Variants in RPN2 observed in about 807,000 individuals in gnomAD.
RPN2 encodes dolichyl-diphosphooligosaccharide--protein glycosyltransferase subunit 2.
In RPN2, 29 loss-of-function variants were observed where a neutral mutation model predicts 71.4. The observed-to-expected ratio is 0.41, with a 90% CI of 0.30 to 0.55. The LOEUF (loss-of-function observed/expected upper bound fraction) is 0.55, where lower values mean the gene tolerates loss of function less well. Among genes scored for constraint, RPN2 ranks in the 20% least tolerant of loss-of-function variants. The pLI is 0.35. For synonymous variants in RPN2, 308 were observed against 305.0 expected (o/e 1.01, Z -0.10); for missense variants, 726 against 774.1 (o/e 0.94, Z 0.74).
At chr20:37,231,151 C>T (rs1237709113) in intron 13 of RPN2, among the ~76,000 whole-genome samples, 1 of 152,020 alleles carries the variant, frequency 6.6e-6, no homozygotes, top group African/African-American at 2.4e-5. Context: ...CTTTACAAGC[C>T]TAGCAGGGTG....
chr20:37,191,983 A>G (rs1341024489), intron 2 of RPN2, among the ~76,000 whole-genome samples: 1 of 148,162 alleles, frequency 6.7e-6, no homozygotes, highest in East Asian at 2.0e-4. Flanking sequence ...AGTCCTAGCT[A>G]TTTAGGTGGC....
intron 1 of RPN2, among the ~76,000 whole-genome samples, chr20:37,183,805 G>A (rs74991886): frequency 0.012 from 1,794 of 152,326 alleles, 35 homozygotes; most frequent in African/African-American, 0.041. Context: ...CTTCTTAGAG[G>A]ACAGAGAAGA....
At chr20:37,179,407 G>T (rs1444252253) in intron 1 of RPN2, 38 bp downstream of exon 1, 5 of 1,487,452 alleles carry the variant, frequency 3.4e-6, no homozygotes, top group Non-Finnish European at 4.5e-6. Flanking sequence ...GAGGGCTGTC[G>T]CCCGCGGGAG....
chr20:37,213,720 C>G (rs1294385047), intron 8 of RPN2, 40 bp from the exon 9 acceptor site: 2 of 1,465,364 alleles, frequency 1.4e-6, no homozygotes, highest in Non-Finnish European at 1.9e-6. Flanking sequence ...CATGACTTTC[C>G]TACCTGAGTT....
chr20:37,205,649 T>G (rs962790019), intron 6 of RPN2, among the ~76,000 whole-genome samples: 1 of 152,198 alleles, frequency 6.6e-6, no homozygotes, highest in African/African-American at 2.4e-5. Context: ...TTATCTGTCT[T>G]GGATAATTGG....
chr20:37,184,242 A>C lies in RPN2; in HGVS notation c.76A>C (p.Thr26Pro). The change falls in exon 2 of 17, where the codon ACT (threonine) becomes CCT (proline). Residue 26 changes from threonine to proline, a missense_variant. Transcript: ENST00000237530. ...IIASTWALTPTHYLTKHDVER... is the reference protein window; with the variant it reads ...IIASTWALTPPHYLTKHDVER... ...AGCCAGCACCTGGGCTCTGACGCCC[A>C]CTCACTACCTCACCAAGCATGACGT... The C allele has an allele frequency of 6.2e-7, 1 of 1,614,034 alleles. No individual in the cohort carries two copies. The highest frequency in any genetic ancestry group is 8.5e-7 in the Non-Finnish European group (1 of 1,180,006).
intron 9 of RPN2, among the ~76,000 whole-genome samples, chr20:37,217,567 A>G (rs895777257): frequency 1.3e-5 from 2 of 152,150 alleles, no homozygotes; most frequent in African/African-American, 4.8e-5. Context: ...CTGGGATTAC[A>G]GGCGTGAGCC....
chr20:37,232,626 C>G (rs1390158845), intron 14 of RPN2, among the ~76,000 whole-genome samples: 1 of 151,882 alleles, frequency 6.6e-6, no homozygotes, highest in Non-Finnish European at 1.5e-5. Flanking sequence ...CTAACAGCCA[C>G]TAAGAATGAC....
intron 9 of RPN2, among the ~76,000 whole-genome samples, chr20:37,220,432 T>C (rs1048883292): frequency 1.3e-5 from 2 of 152,124 alleles, no homozygotes; most frequent in Non-Finnish European, 2.9e-5. Context: ...AGCATCGGTT[T>C]TGGACGCTCT....
intron 11 of RPN2, 64 bp from the exon 12 acceptor site, chr20:37,228,486 A>G (rs888968190): frequency 1.3e-6 from 2 of 1,503,588 alleles, no homozygotes; most frequent in Non-Finnish European, 1.9e-6. Context: ...CGGTGGATTC[A>G]ATGTTAGGCC....
chr20:37,207,259 C>T lies in RPN2; in HGVS notation c.691-14C>T, dbSNP rs1053673500. On this transcript the variant is annotated splice_polypyrimidine_tract_variant and intron_variant, in intron 6 of 16. Transcript: ENST00000237530. ...CAGAGGAAGAGAAACAGCTGCATTT[C>T]GCATTTCTTTCAGGATCAGGTCATC... is the stretch of plus-strand genomic sequence containing the variant. The T allele has an allele frequency of 4.9e-5, 79 of 1,609,168 alleles. No individual in the cohort carries two copies. Among genetic ancestry groups the T allele is most frequent in the Non-Finnish European group, 6.0e-5 (71 of 1,175,600 alleles).
intron 2 of RPN2, among the ~76,000 whole-genome samples, chr20:37,194,393 C>A (rs1400654106): frequency 6.6e-6 from 1 of 152,138 alleles, no homozygotes; most frequent in Non-Finnish European, 1.5e-5. Context: ...TCCCAAGTAG[C>A]TGGGACTACA....
chr20:37,204,029 T>C, intron 5 of RPN2, 69 bp downstream of exon 5: 1 of 1,078,274 alleles, frequency 9.3e-7, no homozygotes, highest in Non-Finnish European at 1.4e-6. Flanking sequence ...ATCTTGCAGA[T>C]AGCCATGCAT....
Position 37,228,763 on chromosome 20 carries a change from C to T in RPN2, c.1494+19C>T. The T allele has an allele frequency of 6.2e-7, 1 of 1,612,874 alleles. No individual in the cohort carries two copies. The highest frequency in any genetic ancestry group is 8.5e-7 in the Non-Finnish European group (1 of 1,179,344). ...GAATGTGGTATGTGCCTGAATGTAC[C>T]CCGACCCAGGTGAGAGTGGCTGTGC... On this transcript the variant is annotated intron_variant, in intron 12 of 16. Transcript: ENST00000237530.
intron 6 of RPN2, among the ~76,000 whole-genome samples, chr20:37,206,423 A>G (rs898547719): frequency 1.3e-5 from 2 of 152,176 alleles, no homozygotes; most frequent in Admixed American, 6.5e-5. Flanking sequence ...TTGTAGAAGG[A>G]CTTTGGAGAC....
At chr20:37,220,799 A>G (rs2067935837) in intron 9 of RPN2, among the ~76,000 whole-genome samples, 1 of 152,234 alleles carries the variant, frequency 6.6e-6, no homozygotes, top group African/African-American at 2.4e-5. Flanking sequence ...TAGCATAAAA[A>G]TGCTTTGCTT....
At chr20:37,208,616 C>T (rs2067579032) in intron 7 of RPN2, among the ~76,000 whole-genome samples, 1 of 152,128 alleles carries the variant, frequency 6.6e-6, no homozygotes, top group South Asian at 2.1e-4. Context: ...GATGGGATAT[C>T]TTTTTGCCTC....
chr20:37,238,812 A>G (rs757236038), intron 16 of RPN2: 7 of 543,460 alleles, frequency 1.3e-5, no homozygotes, highest in African/African-American at 5.7e-5. Flanking sequence ...TCCAAAATTC[A>G]TTAAATGACG....
intron 4 of RPN2, 38 bp downstream of exon 4, chr20:37,199,263 G>A: frequency 6.2e-7 from 1 of 1,609,262 alleles, no homozygotes; most frequent in South Asian, 1.1e-5. Context: ...GGCTTCATTT[G>A]TCTCGGGTCC....
Sources: allele counts gnomAD v4.1 joint callset (sites outside exome capture counted in the v4.1 genomes callset), GRCh38; gene constraint gnomAD v4.1.1; transcripts MANE v1.5; gene names NCBI Gene and HGNC (gene_info 2026-07-23, HGNC 2026-07-21).